The following WRN variants were observed in gnomAD, a reference collection of about 807,000 sequenced individuals.
WRN encodes the protein WRN RecQ like helicase.
WRN carries 149 observed loss-of-function variants against 180.7 expected under a neutral mutation model. The observed-to-expected ratio is 0.82, with a 90% CI of 0.72 to 0.94. The LOEUF (loss-of-function observed/expected upper bound fraction) is 0.94. Among genes scored for constraint, WRN ranks in the 40% least tolerant of loss-of-function variants. The pLI is 0.00. For missense variants in WRN, 1,661 were observed against 1,700.1 expected (o/e 0.98, Z 0.40); for synonymous variants, 548 against 568.9 (o/e 0.96, Z 0.52).
In WRN at chr8:31,080,988, G is replaced by A; in HGVS notation, c.961G>A (p.Glu321Lys). The change falls in exon 9 of 35, where the codon GAA becomes AAA. Residue 321 changes from glutamate (E) to lysine (K), a missense_variant. Around this residue, in one of 3 missense-constraint regions of WRN, gnomAD observed 500 missense variants for 504.1 expected, o/e 0.99. Transcript: ENST00000298139. ...PSNNLNLLSF[E>K]DSTTGGVQQK... ...CAATAATTTAAACTTATTATCCTTTGAAGATTCAACTACTGGGGGAGTACA... is the reference window on the plus strand; with the variant it reads ...CAATAATTTAAACTTATTATCCTTTAAAGATTCAACTACTGGGGGAGTACA... 1 of 1,613,932 alleles carries A rather than the reference G, an allele frequency of 6.2e-7. No individual in the cohort carries two copies. The highest frequency in any genetic ancestry group is 1.1e-5 in the South Asian group (1 of 91,078).
rs545184907 is a variant in WRN at position 31,092,941 on chromosome 8, T to G, written c.1898+1043T>G. Among the ~76,000 whole-genome samples the G allele has an allele frequency of 3.3e-5, 5 of 152,268 alleles. No homozygotes were observed. The South Asian group carries it at 1.0e-3, about 32-fold the overall frequency. On this transcript the variant is annotated intron_variant, in intron 16 of 34. Transcript: ENST00000298139. ...TGTATCAGTAGTTTTTTGTTTTGTTTTGTTTTGTTTTTGTTTTTTCAGAGT... is the reference window on the plus strand; with the variant it reads ...TGTATCAGTAGTTTTTTGTTTTGTTGTGTTTTGTTTTTGTTTTTTCAGAGT...
At chr8:31,099,011 TC>T (rs1433493496) in intron 17 of WRN, among the ~76,000 whole-genome samples, 2 of 148,714 alleles carry the variant, frequency 1.3e-5, no homozygotes, top group Middle Eastern at 3.4e-3. Context: ...TGAGACCCCA[TC>T]TCTGAAAAAA....
chr8:31,093,631 A>G (rs1813846165), intron 16 of WRN, among the ~76,000 whole-genome samples: 2 of 152,222 alleles, frequency 1.3e-5, no homozygotes, highest in Non-Finnish European at 1.5e-5. Context: ...GGTGTAATTG[A>G]CTTACAATAA....
chr8:31,103,642 T>C (rs1198757081), intron 18 of WRN, among the ~76,000 whole-genome samples: 1 of 152,234 alleles, frequency 6.6e-6, no homozygotes, highest in African/African-American at 2.4e-5. Context: ...GATCACCTGT[T>C]GAAGAACTTT....
At position 31,101,701 on chromosome 8, in the gene WRN, T is replaced by C. The variant is rs1392267017; in HGVS notation, c.2088+746T>C. Among the ~76,000 whole-genome samples, 4 of 148,548 alleles carry C rather than the reference T, an allele frequency of 2.7e-5. No individual in the cohort carries two copies. The South Asian group carries it at 6.3e-4, about 23-fold the overall frequency. ...ACTTGGGAGGCTGAGGCAGGGGAATTGCTTGAACTCGGGAGGTGGAGGTTG... is the reference window on the plus strand; with the variant it reads ...ACTTGGGAGGCTGAGGCAGGGGAATCGCTTGAACTCGGGAGGTGGAGGTTG... On this transcript the variant is annotated intron_variant, in intron 18 of 34. Coordinates refer to ENST00000298139, the MANE Select transcript of WRN (RefSeq NM_000553.6).
In WRN at chr8:31,167,185, T is replaced by G. The variant is rs1483059485; in HGVS notation, c.4146T>G (p.Cys1382Trp). Residue 1382 changes from cysteine to tryptophan, a missense_variant, in exon 34 of 35, where the codon TGT (cysteine) becomes TGG (tryptophan). Cys to Trp is a radical substitution (Grantham distance 215). Coordinates refer to ENST00000298139, the MANE Select transcript of WRN (RefSeq NM_000553.6). The stretch of plus-strand genomic sequence containing the variant: ...GTTTTCCCGGTTCTGAAGAGATCTG[T>G]TCAAGTTCTAAGAGAAGCAAGGAAG... Reference protein sequence around the residue: ...RRCFPGSEEICSSSKRSKEEV... With the variant: ...RRCFPGSEEIWSSSKRSKEEV... 1 of 1,613,274 alleles carries G rather than the reference T, an allele frequency of 6.2e-7. No individual in the cohort carries two copies.
intron 5 of WRN, among the ~76,000 whole-genome samples, chr8:31,065,913 T>A (rs1481327212): frequency 6.6e-6 from 1 of 150,578 alleles, no homozygotes; most frequent in East Asian, 1.9e-4. Context: ...AGTTTCGCTC[T>A]TGTTGCCCAG....
chr8:31,077,132 A>C (rs1225829502), intron 8 of WRN, among the ~76,000 whole-genome samples: 2 of 152,222 alleles, frequency 1.3e-5, no homozygotes, highest in Non-Finnish European at 2.9e-5. Context: ...ATAGATTTTG[A>C]TTGAGATTTA....
chr8:31,128,687 G>A lies in WRN; in HGVS notation c.2826-3678G>A, dbSNP rs113241178. Among the ~76,000 whole-genome samples, 292 of 152,206 alleles carry A rather than the reference G, an allele frequency of 1.9e-3. 2 individuals are homozygous for A. The highest frequency in any genetic ancestry group is 6.6e-3 in the African/African-American group (274 of 41,540). On this transcript the variant is annotated intron_variant, in intron 23 of 34. Transcript: ENST00000298139. ...ATCCTGGCTAACATGATGAAACGCCGTCTCTACTAAAAATACAAAAAATTA... is the reference window on the plus strand; with the variant it reads ...ATCCTGGCTAACATGATGAAACGCCATCTCTACTAAAAATACAAAAAATTA...
intron 11 of WRN, 163 bp from the exon 12 acceptor site, chr8:31,087,613 C>T: frequency 3.1e-6 from 2 of 646,438 alleles, no homozygotes; most frequent in Non-Finnish European, 2.7e-6. Context: ...TTCATGAGCA[C>T]ATATTTAAAC....
At chr8:31,156,379 C>T (rs954497041) in intron 32 of WRN, among the ~76,000 whole-genome samples, 4 of 152,162 alleles carry the variant, frequency 2.6e-5, no homozygotes, top group African/African-American at 4.8e-5. Context: ...TTGAGAGGGT[C>T]TTGCCAGTTA....
intron 4 of WRN, 62 bp downstream of exon 4, chr8:31,064,496 T>C (rs904031191): frequency 1.9e-6 from 3 of 1,607,410 alleles, no homozygotes; most frequent in South Asian, 2.2e-5. Flanking sequence ...ACTTTATCCC[T>C]ATAAAATTAA....
At position 31,068,276 on chromosome 8, in the gene WRN, C is replaced by T. The variant is rs370324188; in HGVS notation, c.673C>T (p.Arg225Ter). 4.4e-6 allele frequency: 7 copies of T among 1,605,774 alleles called. No individual in the cohort carries two copies. Among genetic ancestry groups the T allele is most frequent in the African/African-American group, 1.3e-5 (1 of 74,402 alleles). Residue 225 changes from arginine to a stop codon, truncating the protein, a stop_gained, in exon 7 of 35, where the codon CGA becomes TGA. Coordinates refer to ENST00000298139, the MANE Select transcript of WRN (RefSeq NM_000553.6). LOFTEE classifies it high-confidence loss of function. ...TTTATAGGCTGGTTTTATTATTTAC[C>T]GAAATTTAGAGATTTTGGATGATAC... The part of the protein sequence containing the change: ...TDAYAGFIIY[R>*]NLEILDDTVQ...
At chr8:31,039,272 C>T (rs1000560364) in intron 1 of WRN, among the ~76,000 whole-genome samples, 1 of 152,108 alleles carries the variant, frequency 6.6e-6, no homozygotes, top group Non-Finnish European at 1.5e-5. Context: ...TCAGAGTACA[C>T]GTTTTTCACC....
At chr8:31,165,399 C>T (rs75727531) in intron 33 of WRN, among the ~76,000 whole-genome samples, 1,748 of 152,056 alleles carry the variant, frequency 0.011, 25 homozygotes, top group African/African-American at 0.04. Context: ...ACAGCACTGT[C>T]AGTAGAAATA....
intron 1 of WRN, among the ~76,000 whole-genome samples, chr8:31,055,613 G>GT (rs374316077): frequency 2.0e-4 from 29 of 147,160 alleles, no homozygotes; most frequent in Middle Eastern, 3.5e-3. Flanking sequence ...GGGATTGTTT[G>GT]TTTTTTTTTT....
intron 16 of WRN, among the ~76,000 whole-genome samples, chr8:31,093,040 G>GCTCAAGCTATCCTCCTGCCT (rs1303993069): frequency 6.6e-6 from 1 of 152,094 alleles, no homozygotes; most frequent in East Asian, 1.9e-4. Flanking sequence ...TAACTACTGG[G>GCTCAAGCTATCCTCCTGCCT]CTCAAGCTAT....
At chr8:31,049,234 A>AAAG (rs1811993792) in intron 1 of WRN, among the ~76,000 whole-genome samples, 2 of 149,778 alleles carry the variant, frequency 1.3e-5, no homozygotes, top group Non-Finnish European at 3.0e-5. Context: ...AAAAAAAAAA[A>AAAG]AAAGAAAGAA....
At chr8:31,114,737 TATCC>T (rs1307546708) in intron 19 of WRN, among the ~76,000 whole-genome samples, 3 of 152,180 alleles carry the variant, frequency 2.0e-5, no homozygotes, top group Non-Finnish European at 4.4e-5. Flanking sequence ...TTGCATACTA[TATCC>T]ATTATTTATG....
Sources: allele counts gnomAD v4.1 joint callset (sites outside exome capture counted in the v4.1 genomes callset), GRCh38; gene constraint gnomAD v4.1.1; regional missense constraint gnomAD v4.1.1; transcripts MANE v1.5; gene names NCBI Gene and HGNC (gene_info 2026-07-23, HGNC 2026-07-21).